The following PCDHA9 variants were observed in gnomAD, a reference collection of about 807,000 sequenced individuals.
PCDHA9 encodes protocadherin alpha 9.
In PCDHA9, 62 loss-of-function variants were observed where a neutral mutation model predicts 62.0. That is an observed-to-expected ratio of 1.00 (90% confidence interval 0.81 to 1.23). The LOEUF is 1.23. Ranked by LOEUF, PCDHA9 falls within the 50% of genes most tolerant of loss-of-function variation. PCDHA9 has a pLI of 0.00. For missense variants in PCDHA9, 1,205 were observed against 1,249.8 expected, an observed-to-expected ratio of 0.96 and a Z score of 0.54; for synonymous variants, 557 against 567.6, an observed-to-expected ratio of 0.98 and a Z score of 0.27.
chr5:140,862,656 C>T, intron 1 of PCDHA9: 1 of 545,296 alleles, frequency 1.8e-6, no homozygotes, highest in Admixed American at 1.9e-5. Flanking sequence ...CCGCGCGGGA[C>T]CGGGACGCGC....
intron 1 of PCDHA9, among the ~76,000 whole-genome samples, chr5:140,962,807 C>T (rs1463442901): frequency 5.3e-5 from 8 of 152,220 alleles, no homozygotes; most frequent in Non-Finnish European, 1.0e-4. Flanking sequence ...CAACTCTAAA[C>T]ATCAGAGATG....
intron 3 of PCDHA9, among the ~76,000 whole-genome samples, chr5:140,991,401 T>C (rs1271447254): frequency 6.6e-6 from 1 of 152,218 alleles, no homozygotes; most frequent in Non-Finnish European, 1.5e-5. Context: ...TGTATTTATT[T>C]CCCATTATGC....
chr5:140,850,234 TGGTGCTGCGGTC>T lies in PCDHA9; in HGVS notation c.1744_1755del (p.Leu582_Val585del), dbSNP rs1344981647. On this transcript the variant is annotated inframe_deletion, in exon 1 of 4. Coordinates refer to ENST00000532602, the MANE Select transcript of PCDHA9 (RefSeq NM_031857.2). ...GGCACTGACGGCGCAGTGAGCGAGATGGTGCTGCGGTCGGTGGGCGCCGGCGTAGTGGTGGGG... is the reference window on the plus strand; with the variant it reads ...GGCACTGACGGCGCAGTGAGCGAGATGGTGGGCGCCGGCGTAGTGGTGGGG... 6.3e-7 allele frequency: 1 copy of T among 1,593,808 alleles called. No individual in the cohort carries two copies. Among genetic ancestry groups the T allele is most frequent in the East Asian group, 2.2e-5 (1 of 44,798 alleles).
chr5:140,967,691 A>G (rs1586235214), intron 1 of PCDHA9: 1 of 1,614,162 alleles, frequency 6.2e-7, no homozygotes, highest in East Asian at 2.2e-5. Flanking sequence ...GCAGCTCTTC[A>G]GCATAGATGC....
At chr5:140,857,904 T>C in intron 1 of PCDHA9, 2 of 1,597,710 alleles carry the variant, frequency 1.3e-6, no homozygotes, top group South Asian at 1.1e-5. Context: ...GGTGCACGCA[T>C]CCCGTTTCGC....
intron 1 of PCDHA9, chr5:140,852,674 C>G (rs1302085462): frequency 2.9e-5 from 28 of 966,250 alleles, no homozygotes; most frequent in African/African-American, 3.6e-5. Context: ...GCACAACTCA[C>G]CTTGAATATA....
At chr5:140,882,755 G>T in intron 1 of PCDHA9, 1 of 1,614,230 alleles carries the variant, frequency 6.2e-7, no homozygotes, top group Non-Finnish European at 8.5e-7. Flanking sequence ...TGCAGATATT[G>T]GAGTAAACTC....
chr5:141,011,435 T>C lies in PCDHA9; in HGVS notation c.*1498T>C, dbSNP rs781837801. ...TGTGAATGTTAATGCAACTATTACC[T>C]AGAGTGAACTTTAAGCTTTATTGTT... On this transcript the variant is annotated 3_prime_UTR_variant, in exon 4 of 4. Coordinates refer to ENST00000532602, the MANE Select transcript of PCDHA9 (RefSeq NM_031857.2). 3 of 153,818 alleles carry C rather than the reference T, an allele frequency of 2.0e-5. No individual in the cohort carries two copies. The highest frequency in any genetic ancestry group is 4.4e-5 in the Non-Finnish European group (3 of 68,050). The allele number at this position is 153,818 out of a possible 1,614,324, so 9.5% of individuals were successfully genotyped here.
intron 1 of PCDHA9, among the ~76,000 whole-genome samples, chr5:140,977,448 C>G (rs1265708365): frequency 6.6e-6 from 1 of 152,212 alleles, no homozygotes; most frequent in African/African-American, 2.4e-5. Flanking sequence ...ATAATGGAAA[C>G]TCCTTTGATT....
intron 1 of PCDHA9, among the ~76,000 whole-genome samples, chr5:140,933,268 T>A (rs2088999959): frequency 6.6e-6 from 1 of 151,986 alleles, no homozygotes; most frequent in Non-Finnish European, 1.5e-5. Context: ...TTATTATATA[T>A]TCATTTGGAA....
At chr5:141,003,158 A>G (rs902811266) in intron 3 of PCDHA9, among the ~76,000 whole-genome samples, 4 of 152,222 alleles carry the variant, frequency 2.6e-5, no homozygotes, top group Non-Finnish European at 5.9e-5. Context: ...GACCTGATCA[A>G]TCCTAGTCCC....
In PCDHA9 at chr5:140,850,310, G is replaced by A. The variant is rs2150478968; in HGVS notation, c.1815G>A (p.Ala605=). ...RAVDADSGYN[A]WLSYELQPET... The stretch of plus-strand genomic sequence containing the variant: ...TGGACGCCGACTCGGGCTACAACGC[G>A]TGGCTTTCATACGAGCTGCAGCCAG... Residue 605 remains alanine (A), a synonymous_variant, in exon 1 of 4, where the codon GCG becomes GCA. Transcript: ENST00000532602. The A allele has an allele frequency of 1.0e-5, 16 of 1,597,212 alleles. 1 individual carries two copies. Among genetic ancestry groups the A allele is most frequent in the Non-Finnish European group, 1.4e-5 (16 of 1,167,678 alleles).
intron 1 of PCDHA9, chr5:140,867,134 T>C (rs1162274165): frequency 6.6e-6 from 1 of 152,178 alleles, no homozygotes; most frequent in Non-Finnish European, 1.5e-5. Context: ...AAATATGTGA[T>C]ATTATCATTT....
intron 1 of PCDHA9, among the ~76,000 whole-genome samples, chr5:140,875,022 C>T (rs1267699693): frequency 6.6e-6 from 1 of 152,116 alleles, no homozygotes; most frequent in Non-Finnish European, 1.5e-5. Context: ...TAGGTTCTGG[C>T]CTACTGTATT....
intron 1 of PCDHA9, among the ~76,000 whole-genome samples, chr5:140,886,497 T>A (rs2061000599): frequency 6.6e-6 from 1 of 152,160 alleles, no homozygotes; most frequent in Non-Finnish European, 1.5e-5. Context: ...TATATCTTTT[T>A]CCTTTTATGG....
At chr5:140,929,191 A>G in intron 1 of PCDHA9, 1 of 1,614,118 alleles carries the variant, frequency 6.2e-7, no homozygotes, top group Non-Finnish European at 8.5e-7. Flanking sequence ...TTCTGATAAT[A>G]ACAGTTTGCT....
chr5:140,909,411 CATTTGG>C (rs2074480921), intron 1 of PCDHA9, among the ~76,000 whole-genome samples: 2 of 152,142 alleles, frequency 1.3e-5, no homozygotes, highest in African/African-American at 4.8e-5. Flanking sequence ...TTGCAGTTAC[CATTTGG>C]TTAAACTTAT....
In PCDHA9 at chr5:140,850,853, G is replaced by T; in HGVS notation, c.2358G>T (p.Thr786=). The T allele has an allele frequency of 6.3e-7, 1 of 1,595,240 alleles. No individual in the cohort carries two copies. Among genetic ancestry groups the T allele is most frequent in the Non-Finnish European group, 8.6e-7 (1 of 1,165,492 alleles). Residue 786 remains threonine, a synonymous_variant, in exon 1 of 4, where the codon ACG becomes ACT. Coordinates refer to ENST00000532602, the MANE Select transcript of PCDHA9 (RefSeq NM_031857.2). ...CTTGTGCTGGATCTACAGAGCGAACGGGAGAACCCTCTGCTTCCTCAGATT... is the reference window on the plus strand; with the variant it reads ...CTTGTGCTGGATCTACAGAGCGAACTGGAGAACCCTCTGCTTCCTCAGATT... ...LSPCAGSTER[T]GEPSASSDST...
chr5:140,871,191 C>T lies in PCDHA9; in HGVS notation c.2394+20302C>T, dbSNP rs370303558. 1.9e-6 allele frequency: 3 copies of T among 1,613,656 alleles called. 1 individual carries two copies. In the South Asian group the frequency reaches 3.3e-5, roughly 18 times the overall value. On this transcript the variant is annotated intron_variant, in intron 1 of 3. Coordinates refer to ENST00000532602, the MANE Select transcript of PCDHA9 (RefSeq NM_031857.2). ...CAGAGGCTGCGCTGGTGGATGTCAA[C>T]GTGTACCTGATCATCGCCATCTGCG...
Sources: gnomAD v4.1 joint callset for allele counts (sites outside exome capture counted in the v4.1 genomes callset) on GRCh38, gnomAD v4.1.1 for gene constraint, MANE v1.5 for transcripts, NCBI Gene and HGNC (gene_info 2026-07-23, HGNC 2026-07-21) for gene names.